Variants in CSMD1 observed in about 807,000 individuals in gnomAD.
CSMD1 encodes CUB and Sushi multiple domains 1.
Under a neutral mutation model 417.5 loss-of-function variants are expected in CSMD1, and 213 were observed. The ratio of observed to expected loss-of-function variants is 0.51; its 90% CI spans 0.46 to 0.57. The LOEUF (loss-of-function observed/expected upper bound fraction) is 0.57. CSMD1 is among the 20% of genes least tolerant of loss of function. CSMD1 has a pLI of 0.00. For synonymous variants in CSMD1, 2,862 were observed against 1,736.8 expected, an observed-to-expected ratio of 1.65 and a Z score of -16.11; for missense variants, 6,923 against 4,529.7, an observed-to-expected ratio of 1.53 and a Z score of -15.17.
intron 18 of CSMD1, among the ~76,000 whole-genome samples, chr8:3,371,651 C>T (rs145404343): frequency 6.6e-6 from 1 of 152,114 alleles, no homozygotes; most frequent in Non-Finnish European, 1.5e-5. Context: ...ATAATATTCA[C>T]AAAAGAATTA....
intron 3 of CSMD1, among the ~76,000 whole-genome samples, chr8:4,408,026 T>C (rs571681424): frequency 9.0e-4 from 137 of 152,262 alleles, no homozygotes; most frequent in African/African-American, 3.2e-3. Context: ...GTCCACTTAC[T>C]CACCCTCCTC....
intron 3 of CSMD1, among the ~76,000 whole-genome samples, chr8:4,277,183 G>A (rs1208138135): frequency 6.9e-6 from 1 of 144,464 alleles, no homozygotes; most frequent in African/African-American, 2.5e-5. Context: ...ATATTTATAT[G>A]TCATCTACAG....
chr8:4,947,913 T>G (rs1210975801), intron 1 of CSMD1, among the ~76,000 whole-genome samples: 1 of 152,124 alleles, frequency 6.6e-6, no homozygotes, highest in South Asian at 2.1e-4. Flanking sequence ...CTGTAAGACA[T>G]TCGGGTAATT....
At chr8:4,929,290 G>A (rs1807078172) in intron 1 of CSMD1, among the ~76,000 whole-genome samples, 1 of 152,084 alleles carries the variant, frequency 6.6e-6, no homozygotes, top group South Asian at 2.1e-4. Flanking sequence ...TGGACTTCCA[G>A]CCTCCCGAAC....
intron 6 of CSMD1, among the ~76,000 whole-genome samples, chr8:3,717,322 G>C (rs1214269065): frequency 6.6e-6 from 1 of 152,046 alleles, no homozygotes; most frequent in Non-Finnish European, 1.5e-5. Flanking sequence ...TTGTATGTCA[G>C]TTGTTTAAAT....
intron 7 of CSMD1, among the ~76,000 whole-genome samples, chr8:3,648,466 C>T (rs1339297449): frequency 1.3e-5 from 2 of 152,154 alleles, no homozygotes; most frequent in South Asian, 2.1e-4. Context: ...TTTTCAGGGA[C>T]AAGATGGCTC....
rs79504919 is a variant in CSMD1 at position 4,064,604 on chromosome 8, T to C, written c.416-32505A>G. On this transcript the variant is annotated intron_variant, in intron 3 of 69. Coordinates refer to ENST00000635120, the MANE Select transcript of CSMD1 (RefSeq NM_033225.6). ...GTCATACAACTGCCGTTTCCGAACGTGGCAAGGCTCCCAACACCTGTGCCT... is the reference window on the plus strand; with the variant it reads ...GTCATACAACTGCCGTTTCCGAACGCGGCAAGGCTCCCAACACCTGTGCCT... Among the ~76,000 whole-genome samples the C allele has an allele frequency of 2.6e-3, 395 of 152,302 alleles. 9 individuals are homozygous for C. In the East Asian group the frequency reaches 0.044, roughly 17 times the overall value.
intron 3 of CSMD1, among the ~76,000 whole-genome samples, chr8:4,346,206 C>T (rs1453558799): frequency 6.6e-6 from 1 of 152,066 alleles, no homozygotes; most frequent in African/African-American, 2.4e-5. Flanking sequence ...CTGGACAGCT[C>T]ATTTGCTAAG....
At chr8:4,926,160 G>C (rs896801415) in intron 1 of CSMD1, among the ~76,000 whole-genome samples, 1 of 152,082 alleles carries the variant, frequency 6.6e-6, no homozygotes, top group Non-Finnish European at 1.5e-5. Flanking sequence ...AAATTGAAAG[G>C]ACAGCCAAGC....
intron 3 of CSMD1, among the ~76,000 whole-genome samples, chr8:4,176,084 G>C (rs1440653804): frequency 6.6e-6 from 1 of 152,098 alleles, no homozygotes; most frequent in African/African-American, 2.4e-5. Context: ...AACCCTTGCA[G>C]AATCACTCCT....
intron 3 of CSMD1, among the ~76,000 whole-genome samples, chr8:4,413,233 C>T (rs981039666): frequency 3.9e-5 from 6 of 152,192 alleles, no homozygotes; most frequent in African/African-American, 1.4e-4. Flanking sequence ...CATCAGGGTG[C>T]AACTGTGAGC....
chr8:3,639,974 A>C (rs1161705713), intron 7 of CSMD1, among the ~76,000 whole-genome samples: 1 of 152,238 alleles, frequency 6.6e-6, no homozygotes, highest in East Asian at 1.9e-4. Context: ...TTTTATGGCT[A>C]GCATCTAATA....
intron 1 of CSMD1, among the ~76,000 whole-genome samples, chr8:4,969,546 A>G (rs1386681888): frequency 2.6e-5 from 4 of 151,636 alleles, no homozygotes; most frequent in African/African-American, 4.8e-5. Context: ...CTAGGAAATA[A>G]TATTACTCTT....
At chr8:3,888,889 G>T (rs1031253573) in intron 5 of CSMD1, among the ~76,000 whole-genome samples, 1 of 152,204 alleles carries the variant, frequency 6.6e-6, no homozygotes, top group African/African-American at 2.4e-5. Context: ...TATCAATGAT[G>T]ATTTTCGTCA....
chr8:4,989,691 C>T (rs943090518), intron 1 of CSMD1, among the ~76,000 whole-genome samples: 1 of 152,142 alleles, frequency 6.6e-6, no homozygotes, highest in Non-Finnish European at 1.5e-5. Context: ...ATGAGCTCAG[C>T]AGAAAAATTA....
At chr8:3,696,911 C>A (rs545779135) in intron 7 of CSMD1, among the ~76,000 whole-genome samples, 1 of 152,186 alleles carries the variant, frequency 6.6e-6, no homozygotes, top group African/African-American at 2.4e-5. Context: ...TGAAAGAGAA[C>A]ACTTTATCAG....
chr8:3,961,820 AT>A (rs1812348186), intron 5 of CSMD1, among the ~76,000 whole-genome samples: 1 of 152,230 alleles, frequency 6.6e-6, no homozygotes, highest in African/African-American at 2.4e-5. Context: ...TAGAAATGCT[AT>A]TAAATAAATA....
chr8:4,405,656 G>A (rs1026119605), intron 3 of CSMD1, among the ~76,000 whole-genome samples: 7 of 152,230 alleles, frequency 4.6e-5, no homozygotes, highest in Non-Finnish European at 7.4e-5. Context: ...CATTATCCTC[G>A]CATGAGACAC....
intron 1 of CSMD1, among the ~76,000 whole-genome samples, chr8:4,872,664 C>T (rs142425583): frequency 2.2e-4 from 34 of 151,896 alleles, no homozygotes; most frequent in African/African-American, 8.2e-4. Flanking sequence ...TCAGAAATTG[C>T]GAGAGTAGAA....
Sources: allele counts gnomAD v4.1 joint callset (sites outside exome capture counted in the v4.1 genomes callset), GRCh38; gene constraint gnomAD v4.1.1; transcripts MANE v1.5; gene names NCBI Gene and HGNC (gene_info 2026-07-23, HGNC 2026-07-21).